Variants in ING3 observed in about 807,000 individuals in gnomAD.
ING3 encodes the protein inhibitor of growth protein 3.
In ING3, 6 loss-of-function variants were observed where a neutral mutation model predicts 64.8. The ratio of observed to expected loss-of-function variants is 0.09; its 90% CI spans 0.05 to 0.18. The LOEUF (loss-of-function observed/expected upper bound fraction) is 0.18, where lower values mean the gene tolerates loss of function less well. ING3 is among the 10% of genes least tolerant of loss of function. ING3 has a pLI of 1.00. For missense variants in ING3, 310 were observed against 489.7 expected (o/e 0.63, Z 3.46); for synonymous variants, 170 against 173.7 (o/e 0.98, Z 0.17).
At chr7:120,952,339 G>C (rs1467440557) in intron 2 of ING3, among the ~76,000 whole-genome samples, 10 of 152,160 alleles carry the variant, frequency 6.6e-5, no homozygotes, top group African/African-American at 2.4e-5. Context: ...TCTATAAAAA[G>C]AGAATCATCC....
At chr7:120,951,081 A>C (rs897415536) in intron 1 of ING3, 83 bp from the exon 2 acceptor site, 10 of 1,544,590 alleles carry the variant, frequency 6.5e-6, no homozygotes, top group African/African-American at 1.4e-5. Flanking sequence ...GGCCCCCTCG[A>C]CCCCCCTGAC....
In ING3 at chr7:120,955,734, T is replaced by C. The variant is rs944703906; in HGVS notation, c.267+110T>C. The C allele has an allele frequency of 7.4e-5, 54 of 727,552 alleles. 1 individual carries two copies. In the South Asian group the frequency reaches 8.7e-4, roughly 12 times the overall value. The allele number at this position is 727,552 out of a possible 1,614,324, so 45.1% of individuals were successfully genotyped here. On this transcript the variant is annotated intron_variant, in intron 4 of 11. Transcript: ENST00000315870. ...GAAGAAGCAACTAAAACTGAAGTAT[T>C]GCTCTCTTGATCACATCTAATTTGA...
Position 120,966,643 on chromosome 7 carries a change from A to G in ING3, c.382A>G (p.Thr128Ala). The change falls in exon 6 of 12, where the codon ACT (threonine) becomes GCT (alanine). Residue 128 changes from threonine to alanine, a missense_variant. By Grantham distance (58) the Thr-to-Ala change is moderately conservative. Transcript: ENST00000315870. Reference protein sequence around the residue: ...ILERRSLELDTPSQPVNNHHA... With the variant: ...ILERRSLELDAPSQPVNNHHA... ...TCTTTTAGGATCTTTGGAATTAGAC[A>G]CTCCTTCACAGCCAGTGAACAATCA... 6.2e-7 allele frequency: 1 copy of G among 1,613,098 alleles called. No homozygotes were observed. The highest frequency in any genetic ancestry group is 2.2e-5 in the East Asian group (1 of 44,852).
In ING3 at chr7:120,974,945, G is replaced by T; in HGVS notation, c.*101G>T. 1 of 736,468 alleles carries T rather than the reference G, an allele frequency of 1.4e-6. No homozygotes were observed. Among genetic ancestry groups the T allele is most frequent in the Non-Finnish European group, 2.2e-6 (1 of 456,828 alleles). 45.6% of individuals were successfully genotyped at this position (736,468 alleles called of 1,614,324 possible). Reference sequence around the variant, plus strand: ...GAAAGAAGAAACAATGCATTTCCAGGCAACCACTTAAAGGATTTACATAGA... The same window carrying T: ...GAAAGAAGAAACAATGCATTTCCAGTCAACCACTTAAAGGATTTACATAGA... On this transcript the variant is annotated 3_prime_UTR_variant, in exon 12 of 12. Coordinates refer to ENST00000315870, the MANE Select transcript of ING3 (RefSeq NM_019071.3).
intron 10 of ING3, among the ~76,000 whole-genome samples, chr7:120,971,300 C>G (rs1421060781): frequency 6.6e-6 from 1 of 152,148 alleles, no homozygotes; most frequent in African/African-American, 2.4e-5. Flanking sequence ...CTCACCGGGT[C>G]CTCACATGAT....
At chr7:120,955,800 A>C in intron 4 of ING3, 176 bp downstream of exon 4, 1 of 607,510 alleles carries the variant, frequency 1.6e-6, no homozygotes. Context: ...TGGAAAAGTC[A>C]GAGTGGTTAG....
intron 4 of ING3, among the ~76,000 whole-genome samples, chr7:120,957,973 G>C (rs1361594971): frequency 6.6e-6 from 1 of 152,182 alleles, no homozygotes; most frequent in Non-Finnish European, 1.5e-5. Flanking sequence ...AATGCTATTA[G>C]TTTGGCAGAT....
chr7:120,967,354 TAATA>T (rs1360020424), intron 6 of ING3, 171 bp from the exon 7 acceptor site: 2 of 439,920 alleles, frequency 4.5e-6, no homozygotes, highest in Non-Finnish European at 7.9e-6. Flanking sequence ...AGTCTACTCT[TAATA>T]AACATGTGAC....
intron 4 of ING3, among the ~76,000 whole-genome samples, chr7:120,961,453 AATTG>A (rs1795932388): frequency 1.3e-5 from 2 of 152,182 alleles, no homozygotes. Flanking sequence ...AAATTTTATA[AATTG>A]ATTGTATTGG....
At chr7:120,955,673 A>G (rs985495401) in intron 4 of ING3, 49 bp downstream of exon 4, 3 of 1,208,112 alleles carry the variant, frequency 2.5e-6, no homozygotes, top group Admixed American at 3.4e-5. Flanking sequence ...TGAATAACAG[A>G]TTATATCTTA....
rs552271854 is a variant in ING3, at chr7:120,976,275, C to T, written c.*1431C>T. 1.3e-5 allele frequency: 2 copies of T among 152,180 alleles called. No individual in the cohort carries two copies. The highest frequency in any genetic ancestry group is 1.3e-4 in the Admixed American group (2 of 15,292). 9.4% of individuals were successfully genotyped at this position (152,180 alleles called of 1,614,324 possible). A position where few individuals can be genotyped will look rare whatever the true frequency, so the allele number is the denominator to read the frequency against. On this transcript the variant is annotated 3_prime_UTR_variant, in exon 12 of 12. Coordinates refer to ENST00000315870, the MANE Select transcript of ING3 (RefSeq NM_019071.3). ...ACTTACTGGGTCCATCAGATTTCTG[C>T]TTTAATTAAACCACTTATGAGCTTC...
Position 120,967,510 on chromosome 7 carries a change from A to G in ING3, c.437-19A>G. 1 of 1,491,900 alleles carries G rather than the reference A, an allele frequency of 6.7e-7. No individual in the cohort carries two copies. The highest frequency in any genetic ancestry group is 9.1e-7 in the Non-Finnish European group (1 of 1,094,590). 92.4% of individuals were successfully genotyped at this position (1,491,900 alleles called of 1,614,324 possible). A position where few individuals can be genotyped will look rare whatever the true frequency, so the allele number is the denominator to read the frequency against. ...TTCTCTAAAGTTTAAAAACACATGA[A>G]TTTTTTATTTATATTTAGAAAGGAA... is the stretch of plus-strand genomic sequence containing the variant. On this transcript the variant is annotated intron_variant, in intron 6 of 11. Transcript: ENST00000315870.
At chr7:120,956,304 C>T (rs764480296) in intron 4 of ING3, 91 of 1,436,902 alleles carry the variant, frequency 6.3e-5, no homozygotes, top group Middle Eastern at 4.7e-4. Context: ...TCTGTTTTTG[C>T]ATTAAAGTAA....
At chr7:120,959,385 C>T (rs1399029704) in intron 4 of ING3, among the ~76,000 whole-genome samples, 5 of 152,158 alleles carry the variant, frequency 3.3e-5, no homozygotes, top group African/African-American at 9.7e-5. Context: ...AACAATTATA[C>T]GTTAATTATT....
At chr7:120,973,008 T>G (rs1036183297) in intron 10 of ING3, among the ~76,000 whole-genome samples, 197 bp from the exon 11 acceptor site, 2 of 152,178 alleles carry the variant, frequency 1.3e-5, no homozygotes, top group African/African-American at 4.8e-5. Flanking sequence ...ATAATTCCTG[T>G]GCATTTCTTC....
At chr7:120,956,192 G>T in intron 4 of ING3, 3 of 1,608,784 alleles carry the variant, frequency 1.9e-6, no homozygotes, top group Non-Finnish European at 2.5e-6. Context: ...ACACCAAGAA[G>T]ATAGATAGAA....
At chr7:120,967,441 G>GT in intron 6 of ING3, 88 bp from the exon 7 acceptor site, 1 of 944,156 alleles carries the variant, frequency 1.1e-6, no homozygotes. Flanking sequence ...AGATCATACT[G>GT]TTTCACATTT....
Position 120,959,448 on chromosome 7 carries a change from A to C in ING3, c.267+3824A>C, listed in dbSNP as rs1795899185. ...CTTTTAATCTTAGCTGACTATTCCC[A>C]GGCCCTAGAACTCAGTGTTTTGAAA... On this transcript the variant is annotated intron_variant, in intron 4 of 11. Coordinates refer to ENST00000315870, the MANE Select transcript of ING3 (RefSeq NM_019071.3). 2.0e-5 allele frequency among the ~76,000 whole-genome samples: 3 copies of C among 152,020 alleles called. 1 individual carries two copies. The South Asian group carries it at 6.2e-4, about 32-fold the overall frequency.
At chr7:120,973,798 G>A (rs1296495455) in intron 11 of ING3, among the ~76,000 whole-genome samples, 1 of 152,120 alleles carries the variant, frequency 6.6e-6, no homozygotes, top group Non-Finnish European at 1.5e-5. Context: ...TTAGAGATAC[G>A]TTTTTTATTC....
Sources: gnomAD v4.1 joint callset for allele counts (sites outside exome capture counted in the v4.1 genomes callset) on GRCh38, gnomAD v4.1.1 for gene constraint, MANE v1.5 for transcripts, NCBI Gene and HGNC (gene_info 2026-07-23, HGNC 2026-07-21) for gene names.